Variants in BTBD9 observed in about 807,000 individuals in gnomAD.
The protein encoded by BTBD9 is BTB/POZ domain-containing protein 9.
In BTBD9, 49 loss-of-function variants were observed where a neutral mutation model predicts 64.3. The observed-to-expected ratio is 0.76, with a 90% CI of 0.61 to 0.97. BTBD9 has a LOEUF of 0.97. Ranked by LOEUF, BTBD9 falls within the 50% of genes least tolerant of loss-of-function variation. BTBD9 has a pLI of 0.00. For synonymous variants in BTBD9, 260 were observed against 274.7 expected, an observed-to-expected ratio of 0.95 and a Z score of 0.53; for missense variants, 598 against 762.1, an observed-to-expected ratio of 0.78 and a Z score of 2.53.
intron 6 of BTBD9, among the ~76,000 whole-genome samples, chr6:38,464,211 T>G (rs1328841813): frequency 6.6e-6 from 1 of 152,172 alleles, no homozygotes; most frequent in African/African-American, 2.4e-5. Flanking sequence ...AACTTGCCAA[T>G]GCCTTGATTT....
In BTBD9 at chr6:38,288,767, A is replaced by C. The variant is rs141092967; in HGVS notation, c.1265-306T>G. On this transcript the variant is annotated intron_variant, in intron 7 of 10. Coordinates refer to ENST00000481247, the MANE Select transcript of BTBD9 (RefSeq NM_001099272.2). The stretch of plus-strand genomic sequence containing the variant: ...CATGGTGAAACCCCATCTCTACTAA[A>C]ATATAAAAAATCAGCCAGGCGTGGT... 2.9e-3 allele frequency among the ~76,000 whole-genome samples: 448 copies of C among 151,916 alleles called. 2 individuals are homozygous for C. Among genetic ancestry groups the C allele is most frequent in the African/African-American group, 0.01 (430 of 41,408 alleles).
chr6:38,634,127 G>C (rs1225626907), intron 1 of BTBD9, among the ~76,000 whole-genome samples: 1 of 152,192 alleles, frequency 6.6e-6, no homozygotes, highest in African/African-American at 2.4e-5. Context: ...AGGCAGAATA[G>C]TGAGTAGCTA....
intron 6 of BTBD9, among the ~76,000 whole-genome samples, chr6:38,495,063 T>G (rs1771890501): frequency 6.6e-6 from 1 of 152,182 alleles, no homozygotes; most frequent in Admixed American, 6.5e-5. Context: ...ACCCAAAGAA[T>G]AGAAAAGTTT....
At chr6:38,180,921 T>C (rs1761525953) in intron 10 of BTBD9, among the ~76,000 whole-genome samples, 1 of 152,224 alleles carries the variant, frequency 6.6e-6, no homozygotes, top group African/African-American at 2.4e-5. Context: ...AGCTGCTGTT[T>C]ATGATCACTT....
At chr6:38,587,680 C>A in intron 4 of BTBD9, 1 of 618,704 alleles carries the variant, frequency 1.6e-6, no homozygotes, top group South Asian at 1.5e-5. Context: ...TAAAGTGAAT[C>A]ACTTATTGGA....
intron 9 of BTBD9, among the ~76,000 whole-genome samples, chr6:38,244,647 A>G (rs1213494892): frequency 6.6e-6 from 1 of 152,142 alleles, no homozygotes; most frequent in East Asian, 1.9e-4. Context: ...TCTCTCTAAG[A>G]GTGGTTAAAA....
intron 9 of BTBD9, among the ~76,000 whole-genome samples, chr6:38,240,658 G>A (rs567072023): frequency 2.6e-5 from 4 of 152,256 alleles, no homozygotes; most frequent in Admixed American, 2.6e-4. Flanking sequence ...AATTCATAAA[G>A]TTAATTAATA....
chr6:38,459,632 A>C (rs1176313054), intron 6 of BTBD9, among the ~76,000 whole-genome samples: 1 of 152,184 alleles, frequency 6.6e-6, no homozygotes, highest in African/African-American at 2.4e-5. Context: ...GCAGATGTGT[A>C]ATGTCAACAA....
chr6:38,566,514 C>T (rs1184161098), intron 6 of BTBD9, among the ~76,000 whole-genome samples: 1 of 152,060 alleles, frequency 6.6e-6, no homozygotes, highest in East Asian at 1.9e-4. Flanking sequence ...TGTGATGCAG[C>T]CATGAATCAC....
intron 8 of BTBD9, among the ~76,000 whole-genome samples, chr6:38,275,691 T>A (rs374299168): frequency 6.6e-6 from 1 of 152,178 alleles, no homozygotes; most frequent in African/African-American, 2.4e-5. Flanking sequence ...GGGCGAAGGA[T>A]ATGAACAGAC....
chr6:38,325,781 T>C (rs936787010), intron 7 of BTBD9, among the ~76,000 whole-genome samples: 2 of 152,198 alleles, frequency 1.3e-5, no homozygotes, highest in East Asian at 3.8e-4. Context: ...AGAAAGATTG[T>C]CTTATTTATT....
intron 9 of BTBD9, among the ~76,000 whole-genome samples, chr6:38,200,783 AC>A (rs1164486379): frequency 1.3e-5 from 2 of 152,228 alleles, no homozygotes. Flanking sequence ...AAGTCTCCCA[AC>A]AAAGAAAAGC....
chr6:38,187,697 A>T (rs149659653), intron 10 of BTBD9, among the ~76,000 whole-genome samples: 2 of 152,318 alleles, frequency 1.3e-5, no homozygotes, highest in African/African-American at 4.8e-5. Context: ...TGAGTACACA[A>T]GGAACAGGGG....
intron 1 of BTBD9, among the ~76,000 whole-genome samples, chr6:38,614,041 C>T (rs1030682232): frequency 1.4e-4 from 21 of 152,178 alleles, no homozygotes; most frequent in African/African-American, 5.1e-4. Flanking sequence ...TCACCTTGTT[C>T]ACCAGTTAGT....
At chr6:38,596,553 T>C (rs906153841) in intron 2 of BTBD9, among the ~76,000 whole-genome samples, 2 of 151,854 alleles carry the variant, frequency 1.3e-5, no homozygotes, top group Non-Finnish European at 2.9e-5. Context: ...GTAATCCCAG[T>C]ACTTTGGGAG....
intron 7 of BTBD9, among the ~76,000 whole-genome samples, chr6:38,339,872 G>A (rs1327999098): frequency 6.6e-6 from 1 of 152,146 alleles, no homozygotes; most frequent in Non-Finnish European, 1.5e-5. Context: ...ACAGAGAATC[G>A]TTGCAAGTGA....
intron 6 of BTBD9, among the ~76,000 whole-genome samples, chr6:38,511,392 G>GA (rs1386232339): frequency 3.4e-5 from 5 of 147,300 alleles, no homozygotes; most frequent in Admixed American, 6.9e-5. Context: ...ACCCAGGCTG[G>GA]AGTGCAGTGG....
chr6:38,451,175 AAT>A (rs1452332313), intron 6 of BTBD9, among the ~76,000 whole-genome samples: 2 of 152,234 alleles, frequency 1.3e-5, no homozygotes, highest in Admixed American at 6.5e-5. Context: ...TAGAGTTAAT[AAT>A]AGTCACCTAT....
chr6:38,344,110 A>G (rs184142323), intron 7 of BTBD9, among the ~76,000 whole-genome samples: 1 of 152,220 alleles, frequency 6.6e-6, no homozygotes, highest in African/African-American at 2.4e-5. Context: ...GTCCCTTCTC[A>G]AAGCAAACTG....
Sources: gnomAD v4.1 joint callset for allele counts (sites outside exome capture counted in the v4.1 genomes callset) on GRCh38, gnomAD v4.1.1 for gene constraint, MANE v1.5 for transcripts, NCBI Gene and HGNC (gene_info 2026-07-23, HGNC 2026-07-21) for gene names.